TPRG1: variants seen among roughly 807,000 people sequenced by gnomAD.
TPRG1 encodes the protein tumor protein p63-regulated gene 1 protein.
A neutral mutation model predicts 29.3 loss-of-function variants in TPRG1; 29 were observed. That is an observed-to-expected ratio of 0.99 (90% CI 0.74 to 1.35). The LOEUF (loss-of-function observed/expected upper bound fraction) is 1.35, where lower values mean the gene tolerates loss of function less well. Among genes scored for constraint, TPRG1 ranks in the 40% most tolerant of loss-of-function variants. The probability of loss-of-function intolerance (pLI) is 0.00; values close to 1 mark genes in which losing one functional copy is unlikely to be tolerated. For missense variants in TPRG1, 327 were observed against 335.0 expected, an observed-to-expected ratio of 0.98 and a Z score of 0.19; for synonymous variants, 130 against 116.8, an observed-to-expected ratio of 1.11 and a Z score of -0.73.
chr3:189,292,972 TG>T (rs1392389753), intron 4 of TPRG1, among the ~76,000 whole-genome samples: 2 of 152,184 alleles, frequency 1.3e-5, no homozygotes, highest in African/African-American at 2.4e-5. Flanking sequence ...TCAGGCATTC[TG>T]GGGTCCCACA....
At chr3:189,176,611 G>T (rs902586038) in intron 1 of TPRG1, among the ~76,000 whole-genome samples, 1 of 152,208 alleles carries the variant, frequency 6.6e-6, no homozygotes, top group African/African-American at 2.4e-5. Context: ...TTTGGACAGG[G>T]TGCTTAGGGT....
intron 3 of TPRG1, among the ~76,000 whole-genome samples, chr3:189,222,152 A>G (rs985503926): frequency 5.3e-5 from 8 of 152,130 alleles, no homozygotes; most frequent in Non-Finnish European, 7.4e-5. Flanking sequence ...TTTGCTGTTC[A>G]TTTGACTTTA....
chr3:189,280,489 G>A (rs1382924996), intron 4 of TPRG1, among the ~76,000 whole-genome samples: 1 of 152,034 alleles, frequency 6.6e-6, no homozygotes, highest in Admixed American at 6.6e-5. Flanking sequence ...GCTTTTTTAT[G>A]CCCCTCTTTC....
chr3:189,019,243 C>T (rs1436350683), intron 3 of TPRG1, among the ~76,000 whole-genome samples: 1 of 151,876 alleles, frequency 6.6e-6, no homozygotes, highest in East Asian at 1.9e-4. Context: ...TGCCTAATTG[C>T]CCTGGCCAGA....
chr3:189,189,775 T>A (rs1227134942), intron 1 of TPRG1, among the ~76,000 whole-genome samples: 2 of 152,228 alleles, frequency 1.3e-5, no homozygotes, highest in Non-Finnish European at 2.9e-5. Context: ...CACTTCCAAA[T>A]GGAGAGTTAG....
chr3:189,088,124 C>T (rs1254336098), intron 4 of TPRG1, among the ~76,000 whole-genome samples: 1 of 152,168 alleles, frequency 6.6e-6, no homozygotes, highest in Non-Finnish European at 1.5e-5. Flanking sequence ...ATTGATTCTT[C>T]CTATCCATGA....
At chr3:189,093,564 C>G (rs150080732) in intron 4 of TPRG1, among the ~76,000 whole-genome samples, 3 of 152,264 alleles carry the variant, frequency 2.0e-5, no homozygotes, top group African/African-American at 4.8e-5. Flanking sequence ...TTTATTTAGA[C>G]ACCAAAGAAG....
intron 4 of TPRG1, among the ~76,000 whole-genome samples, chr3:189,029,026 A>T (rs1020018829): frequency 5.6e-4 from 66 of 117,874 alleles, no homozygotes; most frequent in South Asian, 5.3e-4. Context: ...TGTTTTCAAT[A>T]AAAAAAAAAA....
intron 2 of TPRG1, among the ~76,000 whole-genome samples, chr3:189,209,755 T>C (rs1734971569): frequency 6.6e-6 from 1 of 152,218 alleles, no homozygotes; most frequent in Admixed American, 6.5e-5. Flanking sequence ...GTGTTTTCAA[T>C]GACTGATTCC....
intron 4 of TPRG1, among the ~76,000 whole-genome samples, chr3:189,052,983 G>A (rs1056620643): frequency 6.6e-6 from 1 of 152,120 alleles, no homozygotes; most frequent in African/African-American, 2.4e-5. Flanking sequence ...ATGGTGCAGT[G>A]TATACTGCTT....
At chr3:189,274,708 C>T (rs1434294982) in intron 4 of TPRG1, among the ~76,000 whole-genome samples, 2 of 152,042 alleles carry the variant, frequency 1.3e-5, no homozygotes, top group Non-Finnish European at 2.9e-5. Flanking sequence ...TCTCTTTTCC[C>T]TAGACTGAAA....
intron 4 of TPRG1, among the ~76,000 whole-genome samples, chr3:189,278,203 T>C (rs1277122272): frequency 6.6e-6 from 1 of 152,164 alleles, no homozygotes; most frequent in African/African-American, 2.4e-5. Flanking sequence ...AGAGTTAAAA[T>C]GATGCTTTGA....
chr3:189,229,711 T>A (rs1331348487), intron 3 of TPRG1, among the ~76,000 whole-genome samples: 1 of 152,048 alleles, frequency 6.6e-6, no homozygotes, highest in Non-Finnish European at 1.5e-5. Flanking sequence ...CTTGAGAGAG[T>A]AGCTTTTGCT....
chr3:189,026,552 C>T lies in TPRG1; in HGVS notation c.-463+2606C>T, dbSNP rs952952858. On this transcript the variant is annotated intron_variant, in intron 4 of 10. Transcript: ENST00000433971. ...GGGAAGTTTTTTCTTTCCACATGGA[C>T]GAGAACATTGAGATGGAAAAATCAA... Among the ~76,000 whole-genome samples, 7 of 151,976 alleles carry T rather than the reference C, an allele frequency of 4.6e-5. No individual in the cohort carries two copies. In the South Asian group the frequency reaches 6.2e-4, roughly 14 times the overall value.
intron 4 of TPRG1, among the ~76,000 whole-genome samples, chr3:189,149,549 A>C (rs1725673662): frequency 2.0e-5 from 3 of 152,206 alleles, no homozygotes; most frequent in Admixed American, 2.0e-4. Context: ...TGGTCCCCTG[A>C]TGGGCAAAGA....
At chr3:189,168,766 G>T (rs1370074110), upstream of TPRG1, among the ~76,000 whole-genome samples, 2 of 152,176 alleles carry the variant, frequency 1.3e-5, no homozygotes, top group Non-Finnish European at 2.9e-5. Flanking sequence ...CTGGGACAAG[G>T]GGTGTATCTG....
At chr3:189,281,339 T>C (rs1717086257) in intron 4 of TPRG1, among the ~76,000 whole-genome samples, 1 of 152,192 alleles carries the variant, frequency 6.6e-6, no homozygotes, top group South Asian at 2.1e-4. Flanking sequence ...ATGTTCTTTA[T>C]TGATTAAAAA....
At chr3:189,033,856 G>C (rs771028300) in intron 4 of TPRG1, among the ~76,000 whole-genome samples, 3 of 152,060 alleles carry the variant, frequency 2.0e-5, no homozygotes, top group Non-Finnish European at 2.9e-5. Flanking sequence ...GATTACAGGC[G>C]TGAGCCACCG....
intron 3 of TPRG1, among the ~76,000 whole-genome samples, chr3:189,232,492 G>T (rs1452765059): frequency 1.3e-5 from 2 of 152,174 alleles, no homozygotes; most frequent in Non-Finnish European, 2.9e-5. Flanking sequence ...CAGCTTCTGT[G>T]GGCTTGAGTT....
Sources: gnomAD v4.1 joint callset for allele counts (sites outside exome capture counted in the v4.1 genomes callset) on GRCh38, gnomAD v4.1.1 for gene constraint, MANE v1.5 for transcripts, NCBI Gene and HGNC (gene_info 2026-07-23, HGNC 2026-07-21) for gene names.